Variants in INPP4B observed in about 807,000 individuals in gnomAD.
INPP4B encodes the protein inositol polyphosphate-4-phosphatase type II B.
INPP4B carries 55 observed loss-of-function variants against 122.5 expected under a neutral mutation model. That is an observed-to-expected ratio of 0.45 (90% confidence interval 0.36 to 0.56). The LOEUF (loss-of-function observed/expected upper bound fraction) is 0.56. INPP4B is among the 20% of genes least tolerant of loss of function. The pLI, the probability that INPP4B is intolerant of heterozygous loss-of-function variation, is 0.00. For synonymous variants in INPP4B, 403 were observed against 388.7 expected (o/e 1.04, Z -0.43); for missense variants, 1,000 against 1,097.7 (o/e 0.91, Z 1.26).
In INPP4B at chr4:142,173,760, T is replaced by A; in HGVS notation, c.1231A>T (p.Lys411Ter). 6.2e-7 allele frequency: 1 copy of A among 1,613,312 alleles called. No individual in the cohort carries two copies. ...YYSPENTAKA[K>*]EVLSNINQLQ... ...TGATTGATGTTGCTGAGAACTTCCT[T>A]TGCTTTGGCTGTGTTTTCAGGTGAA... Residue 411 changes from lysine (K) to a stop codon, truncating the protein, a stop_gained, in exon 16 of 26, where the codon AAG (lysine) becomes TAG (stop). Transcript: ENST00000262992. LOFTEE classifies it high-confidence loss of function.
At chr4:142,707,056 G>A (rs1186437079) in intron 2 of INPP4B, among the ~76,000 whole-genome samples, 2 of 152,160 alleles carry the variant, frequency 1.3e-5, no homozygotes, top group Admixed American at 6.5e-5. Context: ...GAATAGATAA[G>A]TACTAAACTG....
chr4:142,269,999 A>C (rs1744976446), intron 10 of INPP4B, among the ~76,000 whole-genome samples: 1 of 152,180 alleles, frequency 6.6e-6, no homozygotes, highest in Non-Finnish European at 1.5e-5. Context: ...CCTAAGAAAT[A>C]AATTTAGGCT....
intron 10 of INPP4B, among the ~76,000 whole-genome samples, chr4:142,267,057 G>C (rs1481165480): frequency 6.6e-6 from 1 of 152,106 alleles, no homozygotes; most frequent in East Asian, 1.9e-4. Flanking sequence ...AAAAGTTGTA[G>C]ATAACACAGA....
In INPP4B at chr4:142,206,046, C is replaced by T. The variant is rs554405398; in HGVS notation, c.1072+2379G>A. Among the ~76,000 whole-genome samples the T allele has an allele frequency of 1.4e-4, 21 of 152,138 alleles. 1 individual carries two copies. In the South Asian group the frequency reaches 3.7e-3, roughly 27 times the overall value. Reference sequence around the variant, plus strand: ...GAGGCTAGGAAGTCTAAGATCAAGGCGCTGGTATCTGATAACAGCCTTCTG... The same window carrying T: ...GAGGCTAGGAAGTCTAAGATCAAGGTGCTGGTATCTGATAACAGCCTTCTG... On this transcript the variant is annotated intron_variant, in intron 14 of 25. Coordinates refer to ENST00000262992, the MANE Select transcript of INPP4B (RefSeq NM_001101669.3).
At chr4:142,481,378 C>A (rs1013627783) in intron 2 of INPP4B, among the ~76,000 whole-genome samples, 1 of 152,136 alleles carries the variant, frequency 6.6e-6, no homozygotes, top group South Asian at 2.1e-4. Context: ...CCTAACTACA[C>A]TATTACAAAC....
intron 7 of INPP4B, among the ~76,000 whole-genome samples, chr4:142,333,143 A>AG (rs1181557440): frequency 6.6e-6 from 1 of 152,162 alleles, no homozygotes; most frequent in Non-Finnish European, 1.5e-5. Flanking sequence ...GGTGCTGAGC[A>AG]GGGGCCACGT....
At chr4:142,689,765 T>C (rs1372801151) in intron 2 of INPP4B, among the ~76,000 whole-genome samples, 1 of 152,180 alleles carries the variant, frequency 6.6e-6, no homozygotes, top group Non-Finnish European at 1.5e-5. Flanking sequence ...TTTTTAGAGA[T>C]AAACATTTGT....
chr4:142,173,802 A>G lies in INPP4B; in HGVS notation c.1189T>C (p.Tyr397His). 1 of 1,612,430 alleles carries G rather than the reference A, an allele frequency of 6.2e-7. No individual in the cohort carries two copies. Among genetic ancestry groups the G allele is most frequent in the South Asian group, 1.1e-5 (1 of 91,006 alleles). Residue 397 changes from tyrosine to histidine, a missense_variant, in exon 16 of 26, where the codon TAC becomes CAC. Transcript: ENST00000262992. ...RFETERRNTG[Y>H]QFIYYSPENT... ...TCAGGTGAATAGTAAATAAACTGGT[A>G]TCCGGTACTGCAACAACAAAGATAA... is the stretch of plus-strand genomic sequence containing the variant.
chr4:142,244,105 CCTCT>C (rs1403504195), intron 11 of INPP4B, among the ~76,000 whole-genome samples: 2 of 151,564 alleles, frequency 1.3e-5, no homozygotes, highest in East Asian at 3.9e-4. Context: ...TGTTTCCCTC[CCTCT>C]GTCCATGTGT....
At chr4:142,185,840 C>G (rs947576276) in intron 15 of INPP4B, among the ~76,000 whole-genome samples, 1 of 147,256 alleles carries the variant, frequency 6.8e-6, no homozygotes, top group African/African-American at 2.5e-5. Context: ...GATTGCGCCA[C>G]TGCACTACCT....
chr4:142,300,320 C>A (rs1760872651), intron 9 of INPP4B, among the ~76,000 whole-genome samples: 1 of 152,162 alleles, frequency 6.6e-6, no homozygotes, highest in South Asian at 2.1e-4. Context: ...ATCGCTGCTT[C>A]TGGCTCTCAA....
At chr4:142,730,015 A>G (rs1253514014) in intron 1 of INPP4B, among the ~76,000 whole-genome samples, 5 of 152,134 alleles carry the variant, frequency 3.3e-5, no homozygotes, top group African/African-American at 1.2e-4. Context: ...TAAACTCTCT[A>G]GAGAGTCTCC....
rs1745333240 is a variant in INPP4B, at chr4:142,270,689, T to G, written c.589A>C (p.Ile197Leu). ...GEIEDGEADHITTDVQGQKCA... is the reference protein window; with the variant it reads ...GEIEDGEADHLTTDVQGQKCA... ...TTTTGTCCCTGTACATCTGTGGTGA[T>G]GTGGTCGGCTTCCCCATCCTCAATC... Residue 197 changes from isoleucine (I) to leucine (L), a missense_variant, in exon 10 of 26, where the codon ATC becomes CTC. Coordinates refer to ENST00000262992, the MANE Select transcript of INPP4B (RefSeq NM_001101669.3). The G allele has an allele frequency of 1.9e-6, 3 of 1,611,400 alleles. No homozygotes were observed. Among genetic ancestry groups the G allele is most frequent in the Non-Finnish European group, 2.5e-6 (3 of 1,177,654 alleles).
intron 7 of INPP4B, among the ~76,000 whole-genome samples, chr4:142,337,809 T>C (rs1166125470): frequency 1.5e-5 from 2 of 134,578 alleles, no homozygotes; most frequent in Non-Finnish European, 3.4e-5. Flanking sequence ...GAATCTTAGT[T>C]CTTTGCAATT....
At chr4:142,214,943 T>C (rs1846463945) in intron 12 of INPP4B, among the ~76,000 whole-genome samples, 1 of 152,232 alleles carries the variant, frequency 6.6e-6, no homozygotes, top group Non-Finnish European at 1.5e-5. Flanking sequence ...TCCTCATTAT[T>C]TGTCATCGTA....
chr4:142,366,075 T>C (rs370053156), intron 7 of INPP4B, among the ~76,000 whole-genome samples: 42 of 152,150 alleles, frequency 2.8e-4, no homozygotes, highest in African/African-American at 9.1e-4. Context: ...CATTCCACCA[T>C]TGTAATTTGT....
At chr4:142,639,835 T>C (rs1289846690) in intron 2 of INPP4B, among the ~76,000 whole-genome samples, 6 of 152,270 alleles carry the variant, frequency 3.9e-5, no homozygotes, top group Admixed American at 3.3e-4. Flanking sequence ...AGGCGGATCA[T>C]TGCTGGTCAG....
At chr4:142,349,718 T>C (rs1781367081) in intron 7 of INPP4B, among the ~76,000 whole-genome samples, 1 of 152,026 alleles carries the variant, frequency 6.6e-6, no homozygotes, top group Non-Finnish European at 1.5e-5. Flanking sequence ...TATCTGAATG[T>C]AATATCAAGA....
intron 16 of INPP4B, among the ~76,000 whole-genome samples, chr4:142,160,869 T>C (rs910954329): frequency 1.4e-4 from 22 of 152,162 alleles, no homozygotes; most frequent in African/African-American, 4.1e-4. Context: ...TGAATTTCAG[T>C]GGGCTTAATC....
Sources: gnomAD v4.1 joint callset for allele counts (sites outside exome capture counted in the v4.1 genomes callset) on GRCh38, gnomAD v4.1.1 for gene constraint, MANE v1.5 for transcripts, NCBI Gene and HGNC (gene_info 2026-07-23, HGNC 2026-07-21) for gene names.